Variants in ZBBX observed in about 807,000 individuals in gnomAD.
The protein encoded by ZBBX is zinc finger B-box domain containing.
Under a neutral mutation model 108.5 loss-of-function variants are expected in ZBBX, and 101 were observed. The ratio of observed to expected loss-of-function variants is 0.93; its 90% CI spans 0.79 to 1.10. The LOEUF is 1.10. Ranked by LOEUF, ZBBX falls within the 50% of genes least tolerant of loss-of-function variation. ZBBX has a pLI of 0.00. For missense variants in ZBBX, 1,009 were observed against 941.4 expected (o/e 1.07, Z -0.94); for synonymous variants, 356 against 323.4 (o/e 1.10, Z -1.08).
At chr3:167,261,369 C>T (rs548157968) in intron 20 of ZBBX, among the ~76,000 whole-genome samples, 30 of 148,788 alleles carry the variant, frequency 2.0e-4, no homozygotes, top group Non-Finnish European at 3.7e-4. Context: ...GAGGAACTGG[C>T]GGTGGTCGGG....
At chr3:167,274,683 T>C (rs2108489092) in intron 20 of ZBBX, among the ~76,000 whole-genome samples, 1 of 152,312 alleles carries the variant, frequency 6.6e-6, no homozygotes, top group Admixed American at 6.5e-5. Context: ...TCTGTTCCCT[T>C]GGTTACCTGT....
At chr3:167,247,603 C>A (rs948697765) in intron 20 of ZBBX, among the ~76,000 whole-genome samples, 2 of 152,196 alleles carry the variant, frequency 1.3e-5, no homozygotes, top group Admixed American at 6.5e-5. Context: ...AAAAGATCAC[C>A]CTGTAACACA....
chr3:167,315,227 G>A (rs1348122540), intron 15 of ZBBX, among the ~76,000 whole-genome samples: 1 of 152,098 alleles, frequency 6.6e-6, no homozygotes, highest in African/African-American at 2.4e-5. Context: ...TTTTCATTTG[G>A]AAATGAGAAA....
At chr3:167,378,283 G>A (rs976123954) in intron 2 of ZBBX, among the ~76,000 whole-genome samples, 2 of 152,142 alleles carry the variant, frequency 1.3e-5, no homozygotes, top group Non-Finnish European at 2.9e-5. Flanking sequence ...TACCCAAGTT[G>A]CCCATTTTTT....
intron 9 of ZBBX, among the ~76,000 whole-genome samples, chr3:167,347,054 G>T (rs1285273542): frequency 2.0e-5 from 3 of 151,780 alleles, no homozygotes; most frequent in Admixed American, 2.0e-4. Context: ...GCTATTTGAG[G>T]CCTCTTTCTT....
intron 9 of ZBBX, among the ~76,000 whole-genome samples, chr3:167,348,368 GA>G (rs1222677422): frequency 5.8e-4 from 65 of 111,628 alleles, no homozygotes; most frequent in African/African-American, 1.7e-3. Context: ...AAGAAAGAAA[GA>G]AAAAAAAGAA....
intron 9 of ZBBX, among the ~76,000 whole-genome samples, chr3:167,345,591 T>G (rs1026613824): frequency 1.3e-5 from 2 of 151,882 alleles, no homozygotes; most frequent in African/African-American, 4.8e-5. Context: ...TTACTTGTCA[T>G]CCACATATTT....
At chr3:167,194,610 CA>C in the ZBBX span, among the ~76,000 whole-genome samples, 2 of 152,118 alleles carry the variant, frequency 1.3e-5, no homozygotes, top group African/African-American at 2.4e-5. Flanking sequence ...CTGTCAATGA[CA>C]AAATTCTGGG....
chr3:167,314,605 G>T (rs1477615396), intron 15 of ZBBX, among the ~76,000 whole-genome samples: 2 of 152,060 alleles, frequency 1.3e-5, no homozygotes, highest in Non-Finnish European at 2.9e-5. Flanking sequence ...TTTATGAACT[G>T]AATAATATAT....
the ZBBX span, among the ~76,000 whole-genome samples, chr3:167,191,934 T>TATATATAGAGAGAGAGAGAGAGAG: frequency 1.4e-4 from 18 of 130,218 alleles, no homozygotes; most frequent in African/African-American, 5.2e-4. Flanking sequence ...TATATATATA[T>TATATATAGAGAGAGAGAGAGAGAG]AGAGCAAGTT....
At chr3:167,187,464 T>A in the ZBBX span, among the ~76,000 whole-genome samples, 3 of 152,172 alleles carry the variant, frequency 2.0e-5, no homozygotes, top group Non-Finnish European at 4.4e-5. Flanking sequence ...GCTGGAATAA[T>A]CCTGGCAAGT....
At chr3:167,339,535 C>G (rs1415943371) in intron 9 of ZBBX, among the ~76,000 whole-genome samples, 1 of 152,080 alleles carries the variant, frequency 6.6e-6, no homozygotes, top group Non-Finnish European at 1.5e-5. Context: ...GATTTGTTAA[C>G]TGTTTTTGTT....
intron 20 of ZBBX, among the ~76,000 whole-genome samples, chr3:167,244,877 G>A (rs1410744561): frequency 4.0e-5 from 6 of 151,250 alleles, no homozygotes; most frequent in East Asian, 1.9e-4. Flanking sequence ...AGACTAAGGA[G>A]AAAAAAAATA....
intron 9 of ZBBX, among the ~76,000 whole-genome samples, chr3:167,342,995 A>G (rs1211356180): frequency 6.6e-6 from 1 of 151,882 alleles, no homozygotes; most frequent in Non-Finnish European, 1.5e-5. Flanking sequence ...AGCCCTCAAC[A>G]CAAAATTAAT....
chr3:167,241,258 G>A (rs950957437), intron 21 of ZBBX, among the ~76,000 whole-genome samples: 5 of 152,224 alleles, frequency 3.3e-5, no homozygotes, highest in Admixed American at 2.6e-4. Flanking sequence ...CATCACATTG[G>A]CTGTTTAATA....
chr3:167,310,880 A>C (rs1446484958), intron 16 of ZBBX, among the ~76,000 whole-genome samples: 2 of 152,252 alleles, frequency 1.3e-5, no homozygotes, highest in African/African-American at 4.8e-5. Context: ...TTCTATGTTC[A>C]TGGATGGGAA....
At chr3:167,295,626 T>G (rs968532858) in intron 18 of ZBBX, among the ~76,000 whole-genome samples, 5 of 149,822 alleles carry the variant, frequency 3.3e-5, no homozygotes, top group Non-Finnish European at 7.4e-5. Context: ...TGTATACCTA[T>G]GTAACAAACC....
intron 9 of ZBBX, among the ~76,000 whole-genome samples, chr3:167,336,960 A>G (rs1365200003): frequency 6.6e-6 from 1 of 152,188 alleles, no homozygotes; most frequent in African/African-American, 2.4e-5. Flanking sequence ...TTCTCTGCTG[A>G]AAATAGGTCC....
the ZBBX span, among the ~76,000 whole-genome samples, chr3:167,220,876 T>A: frequency 6.6e-6 from 1 of 151,836 alleles, no homozygotes; most frequent in African/African-American, 2.4e-5. Flanking sequence ...ACATTTAGAA[T>A]ACAAAGTCAA....
Sources: allele counts gnomAD v4.1 joint callset (sites outside exome capture counted in the v4.1 genomes callset), GRCh38; gene constraint gnomAD v4.1.1; transcripts MANE v1.5; gene names NCBI Gene and HGNC (gene_info 2026-07-23, HGNC 2026-07-21).